The following AFAP1 variants were observed in gnomAD, a reference collection of about 807,000 sequenced individuals.
The protein encoded by AFAP1 is actin filament associated protein 1, also known as actin filament-associated protein 1.
A neutral mutation model predicts 93.9 loss-of-function variants in AFAP1; 75 were observed. The ratio of observed to expected loss-of-function variants is 0.80; its 90% CI spans 0.66 to 0.97. The LOEUF is 0.97. Ranked by LOEUF, AFAP1 falls within the 50% of genes least tolerant of loss-of-function variation. The probability of loss-of-function intolerance (pLI) is 0.00; values close to 1 mark genes in which losing one functional copy is unlikely to be tolerated. For missense variants in AFAP1, 1,201 were observed against 1,050.8 expected (o/e 1.14, Z -1.98); for synonymous variants, 517 against 430.7 (o/e 1.20, Z -2.48).
intron 11 of AFAP1, chr4:7,788,671 A>G (rs996167157): frequency 5.9e-5 from 9 of 152,212 alleles, no homozygotes; most frequent in African/African-American, 1.9e-4. Flanking sequence ...AAAAATACAT[A>G]TTTAAGGTTT....
chr4:7,893,133 T>C (rs1196178989), intron 1 of AFAP1, among the ~76,000 whole-genome samples: 2 of 152,238 alleles, frequency 1.3e-5, no homozygotes, highest in African/African-American at 2.4e-5. Context: ...CTCTTCTAAC[T>C]GGTCTATGGC....
At chr4:7,847,546 C>T (rs1286896278) in intron 4 of AFAP1, among the ~76,000 whole-genome samples, 1 of 152,234 alleles carries the variant, frequency 6.6e-6, no homozygotes, top group Non-Finnish European at 1.5e-5. Context: ...AGAGAAGAGA[C>T]TCTTGCTCAG....
intron 1 of AFAP1, among the ~76,000 whole-genome samples, chr4:7,909,297 A>T (rs987053365): frequency 4.6e-5 from 7 of 152,174 alleles, no homozygotes; most frequent in African/African-American, 1.7e-4. Context: ...ACTTGCCCCA[A>T]ATTACACAGC....
intron 1 of AFAP1, among the ~76,000 whole-genome samples, chr4:7,930,174 A>C (rs1262770507): frequency 6.6e-6 from 1 of 152,244 alleles, no homozygotes; most frequent in African/African-American, 2.4e-5. Context: ...TATTACAAAG[A>C]ATAGAACACG....
chr4:7,826,318 C>A (rs937753667), intron 6 of AFAP1, among the ~76,000 whole-genome samples: 4 of 152,174 alleles, frequency 2.6e-5, no homozygotes, highest in Non-Finnish European at 5.9e-5. Flanking sequence ...CCCCACCCCG[C>A]CGCCCCCAGA....
At chr4:7,930,954 G>T (rs749004680) in intron 1 of AFAP1, among the ~76,000 whole-genome samples, 5 of 152,150 alleles carry the variant, frequency 3.3e-5, no homozygotes, top group African/African-American at 7.2e-5. Context: ...GTTTCACTGT[G>T]TTGGCCAGGC....
intron 13 of AFAP1, 26 bp from the exon 14 acceptor site, chr4:7,778,902 T>A (rs1266352386): frequency 6.7e-7 from 1 of 1,490,670 alleles, no homozygotes; most frequent in South Asian, 1.2e-5. Context: ...TATAAGAACA[T>A]TAAAAATAAA....
intron 1 of AFAP1, among the ~76,000 whole-genome samples, chr4:7,936,648 A>T (rs911552976): frequency 6.7e-6 from 1 of 150,126 alleles, no homozygotes; most frequent in Admixed American, 6.7e-5. Context: ...GTGGTACAAT[A>T]TCGGCTCACT....
intron 6 of AFAP1, among the ~76,000 whole-genome samples, chr4:7,824,278 T>C (rs556714990): frequency 6.6e-6 from 1 of 152,234 alleles, no homozygotes; most frequent in Non-Finnish European, 1.5e-5. Context: ...TTGTGGTATT[T>C]TGTTTGCTTT....
chr4:7,794,642 C>T (rs1200978173), intron 10 of AFAP1, among the ~76,000 whole-genome samples: 1 of 152,092 alleles, frequency 6.6e-6, no homozygotes, highest in African/African-American at 2.4e-5. Flanking sequence ...CTGCCTCAGC[C>T]TCCCAAGCAG....
chr4:7,773,119 G>GCACCTGCTGGGGGACCCC (rs1715672838), intron 15 of AFAP1, 109 bp from the exon 16 acceptor site: 1 of 1,458,484 alleles, frequency 6.9e-7, no homozygotes, highest in Non-Finnish European at 9.0e-7. Flanking sequence ...CTGAGGTCGA[G>GCACCTGCTGGGGGACCCC]CTCCCCTGAC....
intron 16 of AFAP1, 56 bp downstream of exon 16, chr4:7,772,764 G>T: frequency 1.9e-6 from 3 of 1,543,878 alleles, no homozygotes; most frequent in Non-Finnish European, 2.6e-6. Context: ...GGGTGCACTG[G>T]CCCTCGGCCA....
chr4:7,869,248 G>A (rs1716806008), intron 2 of AFAP1, among the ~76,000 whole-genome samples: 1 of 151,884 alleles, frequency 6.6e-6, no homozygotes. Flanking sequence ...GGAGGAAGGG[G>A]AAGGGGTGTA....
intron 5 of AFAP1, among the ~76,000 whole-genome samples, chr4:7,840,688 T>G (rs952318369): frequency 6.6e-6 from 1 of 152,120 alleles, no homozygotes; most frequent in African/African-American, 2.4e-5. Context: ...AAAACTCAAC[T>G]GATCTGAAAA....
intron 5 of AFAP1, among the ~76,000 whole-genome samples, chr4:7,839,359 CA>C (rs1244304461): frequency 1.1e-4 from 11 of 102,092 alleles, no homozygotes; most frequent in Admixed American, 2.2e-4. Flanking sequence ...CAAAACAAAA[CA>C]AAAAAACCCA....
intron 1 of AFAP1, among the ~76,000 whole-genome samples, chr4:7,903,503 AC>A (rs1182796096): frequency 3.3e-5 from 5 of 152,148 alleles, no homozygotes; most frequent in African/African-American, 1.2e-4. Context: ...ACACGGGGAA[AC>A]CCCGTCTCTA....
intron 2 of AFAP1, among the ~76,000 whole-genome samples, chr4:7,871,347 A>T (rs1026162330): frequency 1.3e-5 from 2 of 152,194 alleles, no homozygotes; most frequent in African/African-American, 4.8e-5. Flanking sequence ...TAAACAACAC[A>T]GTTGTGCTGA....
intron 9 of AFAP1, among the ~76,000 whole-genome samples, chr4:7,804,865 G>A (rs1472241618): frequency 1.3e-5 from 2 of 152,180 alleles, no homozygotes. Flanking sequence ...CCTGCAAGAG[G>A]GGCATCAAGA....
At chr4:7,786,944 C>G (rs539789242) in intron 11 of AFAP1, among the ~76,000 whole-genome samples, 2 of 152,252 alleles carry the variant, frequency 1.3e-5, no homozygotes, top group Non-Finnish European at 2.9e-5. Flanking sequence ...CACTGCCACC[C>G]CACATCTCTT....
Sources: allele counts gnomAD v4.1 joint callset (sites outside exome capture counted in the v4.1 genomes callset), GRCh38; gene constraint gnomAD v4.1.1; transcripts MANE v1.5; gene names NCBI Gene and HGNC (gene_info 2026-07-23, HGNC 2026-07-21).